COG6: variants seen among roughly 807,000 people sequenced by gnomAD.
COG6 encodes component of oligomeric golgi complex 6.
Under a neutral mutation model 88.8 loss-of-function variants are expected in COG6, and 74 were observed. The observed-to-expected ratio is 0.83, with a 90% CI of 0.69 to 1.01. The LOEUF (loss-of-function observed/expected upper bound fraction) is 1.01, where lower values mean the gene tolerates loss of function less well. Among genes scored for constraint, COG6 ranks in the 50% least tolerant of loss-of-function variants. The pLI is 0.00. For synonymous variants in COG6, 286 were observed against 278.7 expected (o/e 1.03, Z -0.26); for missense variants, 800 against 797.9 (o/e 1.00, Z -0.03).
intron 7 of COG6, among the ~76,000 whole-genome samples, chr13:39,681,467 C>CT (rs1027562868): frequency 6.6e-6 from 1 of 152,158 alleles, no homozygotes; most frequent in Non-Finnish European, 1.5e-5. Flanking sequence ...TGGTTCCCAA[C>CT]TGTGGGCTCT....
chr13:39,705,431 C>T (rs533127705), intron 13 of COG6, among the ~76,000 whole-genome samples: 63 of 152,168 alleles, frequency 4.1e-4, no homozygotes, highest in African/African-American at 1.4e-3. Context: ...TCAAGCTCTC[C>T]TGAAATATTC....
chr13:39,659,341 G>A, intron 1 of COG6, 23 bp from the exon 2 acceptor site: 1 of 1,610,032 alleles, frequency 6.2e-7, no homozygotes, highest in Non-Finnish European at 8.5e-7. Flanking sequence ...TCCAGTAACT[G>A]TCTTCTGTTA....
At chr13:39,743,890 A>G (rs1880189604) in intron 18 of COG6, among the ~76,000 whole-genome samples, 1 of 152,210 alleles carries the variant, frequency 6.6e-6, no homozygotes, top group African/African-American at 2.4e-5. Flanking sequence ...CAGCACATCA[A>G]AAAACTTACC....
chr13:39,789,852 G>A (rs557757011), exon 19 of COG6: 13 of 153,152 alleles, frequency 8.5e-5, no homozygotes, highest in African/African-American at 2.9e-4. Context: ...GAAGTAAATT[G>A]CCTTGCTGAG....
intron 18 of COG6, among the ~76,000 whole-genome samples, chr13:39,741,908 A>C (rs1330154632): frequency 6.6e-6 from 1 of 152,194 alleles, no homozygotes; most frequent in African/African-American, 2.4e-5. Context: ...CATATCTGTC[A>C]GCAGAAACTC....
chr13:39,727,031 C>T (rs1879169237), intron 17 of COG6, among the ~76,000 whole-genome samples: 1 of 151,884 alleles, frequency 6.6e-6, no homozygotes. Context: ...AGGGACTATC[C>T]TTTTTTTGCT....
intron 18 of COG6, among the ~76,000 whole-genome samples, chr13:39,742,247 AT>A (rs1204954974): frequency 1.3e-5 from 2 of 152,226 alleles, no homozygotes; most frequent in Non-Finnish European, 2.9e-5. Flanking sequence ...AGATTCACAC[AT>A]AACAATATTA....
At chr13:39,656,870 GGACTCAGT>G (rs1235085825) in intron 1 of COG6, 7 of 455,864 alleles carry the variant, frequency 1.5e-5, no homozygotes, top group Non-Finnish European at 2.6e-5. Flanking sequence ...TGTTATTTGA[GGACTCAGT>G]GAGAGACTCC....
intron 11 of COG6, among the ~76,000 whole-genome samples, chr13:39,691,660 T>C (rs1876986095): frequency 6.6e-6 from 1 of 151,916 alleles, no homozygotes; most frequent in African/African-American, 2.4e-5. Flanking sequence ...TGATAGACAG[T>C]GTTACAGTAT....
intron 18 of COG6, among the ~76,000 whole-genome samples, chr13:39,780,241 G>A (rs1881590405): frequency 6.6e-6 from 1 of 152,206 alleles, no homozygotes; most frequent in Non-Finnish European, 1.5e-5. Flanking sequence ...GAAGATGTTT[G>A]ATAGGATCAG....
chr13:39,711,825 A>G (rs1383693247), intron 13 of COG6, among the ~76,000 whole-genome samples: 1 of 152,176 alleles, frequency 6.6e-6, no homozygotes, highest in Non-Finnish European at 1.5e-5. Flanking sequence ...ATATGAGTGT[A>G]CACACACCTG....
Position 39,723,447 on chromosome 13 carries a change from G to C in COG6, c.1692+7G>C. On this transcript the variant is annotated splice_region_variant and intron_variant, in intron 16 of 18. Transcript: ENST00000455146. ...GCAACATAAACCTGAACAGGTAAGT[G>C]CATAGATGTTCCTTCCTAATTCTAA... The C allele has an allele frequency of 6.9e-7, 1 of 1,452,064 alleles. No individual in the cohort carries two copies. Among genetic ancestry groups the C allele is most frequent in the Non-Finnish European group, 9.7e-7 (1 of 1,032,896 alleles). The allele number at this position is 1,452,064 out of a possible 1,614,324, so 89.9% of individuals were successfully genotyped here.
chr13:39,682,724 T>C (rs984940188), intron 8 of COG6, among the ~76,000 whole-genome samples: 6 of 152,146 alleles, frequency 3.9e-5, no homozygotes, highest in African/African-American at 7.2e-5. Flanking sequence ...GATCCTGTAA[T>C]TGATGCCAAA....
chr13:39,689,197 G>T (rs532096689), intron 10 of COG6, among the ~76,000 whole-genome samples: 18 of 152,308 alleles, frequency 1.2e-4, no homozygotes, highest in Admixed American at 8.5e-4. Context: ...CTACATGAAT[G>T]ACTTCAATCT....
intron 5 of COG6, 184 bp from the exon 6 acceptor site, chr13:39,679,354 C>T: frequency 1.7e-6 from 1 of 602,828 alleles, no homozygotes; most frequent in South Asian, 2.0e-5. Context: ...ATTAATATGT[C>T]TTAAAATGTG....
intron 10 of COG6, 76 bp downstream of exon 10, chr13:39,687,875 C>A: frequency 9.8e-7 from 1 of 1,017,502 alleles, no homozygotes; most frequent in South Asian, 1.3e-5. Flanking sequence ...TTCTTGTTGC[C>A]ATCTTCTTCA....
At chr13:39,772,612 G>T (rs2138178654) in intron 18 of COG6, among the ~76,000 whole-genome samples, 1 of 152,324 alleles carries the variant, frequency 6.6e-6, no homozygotes, top group South Asian at 2.1e-4. Flanking sequence ...AAGTTCCCTG[G>T]CACCATGGAG....
chr13:39,672,582 C>T (rs188491146), intron 4 of COG6, among the ~76,000 whole-genome samples: 7 of 152,094 alleles, frequency 4.6e-5, no homozygotes, highest in Non-Finnish European at 7.4e-5. Context: ...TTACTTTAAC[C>T]TTTTTTATGG....
intron 1 of COG6, among the ~76,000 whole-genome samples, chr13:39,658,291 A>G (rs927118472): frequency 1.3e-5 from 2 of 151,838 alleles, no homozygotes; most frequent in African/African-American, 4.8e-5. Context: ...CTACAGGCAC[A>G]TGCCACCATA....
Sources: allele counts gnomAD v4.1 joint callset (sites outside exome capture counted in the v4.1 genomes callset), GRCh38; gene constraint gnomAD v4.1.1; transcripts MANE v1.5; gene names NCBI Gene and HGNC (gene_info 2026-07-23, HGNC 2026-07-21).